The following ICA1 variants were observed in gnomAD, a reference collection of about 807,000 sequenced individuals.
ICA1 encodes islet cell autoantigen 1.
ICA1 carries 40 observed loss-of-function variants against 71.0 expected under a neutral mutation model. That is an observed-to-expected ratio of 0.56 (90% confidence interval 0.44 to 0.73). The LOEUF is 0.73. Ranked by LOEUF, ICA1 falls within the 30% of genes least tolerant of loss-of-function variation. The pLI is 0.00. For synonymous variants in ICA1, 207 were observed against 209.5 expected (o/e 0.99, Z 0.10); for missense variants, 578 against 576.5 (o/e 1.00, Z -0.03).
intron 12 of ICA1, among the ~76,000 whole-genome samples, chr7:8,137,155 G>C (rs1009630748): frequency 6.6e-6 from 1 of 151,934 alleles, no homozygotes; most frequent in African/African-American, 2.4e-5. Context: ...TATTAGAATA[G>C]GGAGGGGGTT....
At chr7:8,145,665 T>G (rs1282180762) in intron 8 of ICA1, among the ~76,000 whole-genome samples, 2 of 151,018 alleles carry the variant, frequency 1.3e-5, no homozygotes, top group Non-Finnish European at 2.9e-5. Flanking sequence ...AAATTACTCA[T>G]AATTCCATAT....
intron 6 of ICA1, among the ~76,000 whole-genome samples, chr7:8,195,260 C>T (rs1283450797): frequency 6.6e-6 from 1 of 152,194 alleles, no homozygotes; most frequent in Non-Finnish European, 1.5e-5. Context: ...GGGCTGGGTG[C>T]GGTGGCCCAC....
At chr7:8,256,462 G>C (rs923001614) in intron 1 of ICA1, among the ~76,000 whole-genome samples, 6 of 152,018 alleles carry the variant, frequency 3.9e-5, no homozygotes, top group African/African-American at 1.4e-4. Flanking sequence ...GCACTTCAAG[G>C]ACTTGAGATG....
intron 1 of ICA1, among the ~76,000 whole-genome samples, chr7:8,246,866 C>T (rs1472228385): frequency 1.3e-5 from 2 of 152,216 alleles, no homozygotes; most frequent in South Asian, 4.1e-4. Flanking sequence ...CTTGCCTCAG[C>T]CTCCCGAGTA....
rs1796070811 is a variant in ICA1, at chr7:8,143,950, T to A, written c.827A>T (p.Lys276Ile). Residue 276 changes from lysine (K) to isoleucine (I), a missense_variant, in exon 9 of 14, where the codon AAA (lysine) becomes ATA (isoleucine). Transcript: ENST00000402384. ...TLKSLQDPMKKLVEKEEKKKI... is the reference protein window; with the variant it reads ...TLKSLQDPMKILVEKEEKKKI... ...CTTCTTCTCTTCTTTCTCAACTAAT[T>A]TTTTCATAGGGTCTTGTAAGCTCTT... 1.2e-6 allele frequency: 2 copies of A among 1,605,490 alleles called. No homozygotes were observed. Among genetic ancestry groups the A allele is most frequent in the African/African-American group, 1.3e-5 (1 of 74,564 alleles).
At chr7:8,196,212 G>C (rs1787516368) in intron 6 of ICA1, among the ~76,000 whole-genome samples, 1 of 152,154 alleles carries the variant, frequency 6.6e-6, no homozygotes, top group African/African-American at 2.4e-5. Flanking sequence ...AAAAGATATG[G>C]AGAAATTTAA....
chr7:8,232,761 A>T lies in ICA1; in HGVS notation c.18-6T>A, dbSNP rs781212935. ...GTAAGTCCCAGGGATAACTGCTAAA[A>T]ACATTTAAAGAACTATTTTATTCAC... On this transcript the variant is annotated splice_region_variant and splice_polypyrimidine_tract_variant and intron_variant, in intron 2 of 13. Transcript: ENST00000402384. 2 of 1,580,682 alleles carry T rather than the reference A, an allele frequency of 1.3e-6. No homozygotes were observed. The highest frequency in any genetic ancestry group is 2.7e-5 in the African/African-American group (2 of 73,502).
chr7:8,219,073 C>T (rs1796250353), intron 5 of ICA1: 1 of 163,894 alleles, frequency 6.1e-6, no homozygotes, highest in Admixed American at 5.6e-5. Flanking sequence ...AGATAGGTTA[C>T]ATGATTTAAT....
chr7:8,142,273 T>G (rs1483487298), intron 9 of ICA1, among the ~76,000 whole-genome samples: 1 of 152,184 alleles, frequency 6.6e-6, no homozygotes, highest in Non-Finnish European at 1.5e-5. Flanking sequence ...CCTACTCAAC[T>G]CTCACCACTT....
chr7:8,262,270 C>G (rs1017768440), upstream of ICA1: 2 of 151,988 alleles, frequency 1.3e-5, no homozygotes, highest in African/African-American at 4.8e-5. Context: ...CCCGTGCGCA[C>G]CGCAGCGCAG....
In ICA1 at chr7:8,144,606, G is replaced by A. The variant is rs1298802215; in HGVS notation, c.805-634C>T. The stretch of plus-strand genomic sequence containing the variant: ...TTCTTTTGGCACATCATTTGTTGGA[G>A]TTACTATTTTCAAGGTTAACTAAAT... On this transcript the variant is annotated intron_variant, in intron 8 of 13. Transcript: ENST00000402384. This position sits in a 1 kb window ranked among gnomAD's most constrained non-coding sequence, Gnocchi z 4.5. Among the ~76,000 whole-genome samples the A allele has an allele frequency of 6.6e-6, 1 of 150,452 alleles. No individual in the cohort carries two copies. Among genetic ancestry groups the A allele is most frequent in the African/African-American group, 2.4e-5 (1 of 40,936 alleles).
At chr7:8,178,036 C>T (rs1270445713) in intron 6 of ICA1, among the ~76,000 whole-genome samples, 1 of 152,238 alleles carries the variant, frequency 6.6e-6, no homozygotes, top group East Asian at 1.9e-4. Context: ...GCCCACTTCT[C>T]TACCTCCATC....
chr7:8,255,288 A>G (rs1169909023), intron 1 of ICA1, among the ~76,000 whole-genome samples: 1 of 151,954 alleles, frequency 6.6e-6, no homozygotes, highest in Non-Finnish European at 1.5e-5. Context: ...ATCTTTCACT[A>G]TGGGCCCCAC....
intron 6 of ICA1, among the ~76,000 whole-genome samples, chr7:8,164,551 A>G (rs916763291): frequency 6.6e-6 from 1 of 152,136 alleles, no homozygotes; most frequent in Admixed American, 6.6e-5. Flanking sequence ...TTCTACTCAC[A>G]TCAACTTCTC....
At chr7:8,245,589 GT>G (rs767273010) in intron 1 of ICA1, among the ~76,000 whole-genome samples, 216 of 151,940 alleles carry the variant, frequency 1.4e-3, no homozygotes, top group African/African-American at 5.0e-3. Flanking sequence ...TATACTATGA[GT>G]TTAAATGTTC....
intron 12 of ICA1, among the ~76,000 whole-genome samples, chr7:8,138,476 T>C (rs965256422): frequency 1.3e-5 from 2 of 152,166 alleles, no homozygotes; most frequent in Non-Finnish European, 1.5e-5. Context: ...TAACCCAGGC[T>C]TAGAGAGTTT....
At chr7:8,230,429 T>C (rs1411189176) in intron 3 of ICA1, among the ~76,000 whole-genome samples, 1 of 152,168 alleles carries the variant, frequency 6.6e-6, no homozygotes, top group East Asian at 1.9e-4. Flanking sequence ...TTTTTGTATA[T>C]TTCATGGATG....
chr7:8,238,061 G>A (rs75171967), intron 1 of ICA1, among the ~76,000 whole-genome samples: 4,712 of 152,144 alleles, frequency 0.031, 110 homozygotes, highest in South Asian at 0.056. Context: ...GGCTTATGTC[G>A]TTTTGCCTAA....
chr7:8,220,461 C>T (rs1313433329), intron 5 of ICA1, among the ~76,000 whole-genome samples: 1 of 152,162 alleles, frequency 6.6e-6, no homozygotes, highest in Non-Finnish European at 1.5e-5. Context: ...AGTGAAATTT[C>T]TATAGCTTGA....
Sources: allele counts gnomAD v4.1 joint callset (sites outside exome capture counted in the v4.1 genomes callset), GRCh38; gene constraint gnomAD v4.1.1; non-coding constraint Gnocchi (gnomAD v3.1); transcripts MANE v1.5; gene names NCBI Gene and HGNC (gene_info 2026-07-23, HGNC 2026-07-21).